Variants in SUPT7L observed in about 807,000 individuals in gnomAD.
SUPT7L encodes SPT7 like, STAGA complex subunit gamma, also known as STAGA complex 65 subunit gamma.
In SUPT7L, 15 loss-of-function variants were observed where a neutral mutation model predicts 35.7. The ratio of observed to expected loss-of-function variants is 0.42; its 90% CI spans 0.28 to 0.65. SUPT7L has a LOEUF of 0.65. Among genes scored for constraint, SUPT7L ranks in the 30% least tolerant of loss-of-function variants. The pLI is 0.23. For synonymous variants in SUPT7L, 168 were observed against 186.2 expected (o/e 0.90, Z 0.79); for missense variants, 434 against 522.2 (o/e 0.83, Z 1.65).
In SUPT7L at chr2:27,655,569, T is replaced by C; in HGVS notation, c.778A>G (p.Ile260Val). 1 of 1,607,324 alleles carries C rather than the reference T, an allele frequency of 6.2e-7. No homozygotes were observed. The highest frequency in any genetic ancestry group is 8.5e-7 in the Non-Finnish European group (1 of 1,177,818). ...SKQLSEEYER[I>V]VNPEKATEDA... ...TCTGTGGCCTTCTCAGGATTGACAA[T>C]CCTTTCATATTCTTCAGAGAGTTGC... The change falls in exon 5 of 6, where the codon ATT becomes GTT. Residue 260 changes from isoleucine to valine, a missense_variant. By Grantham distance (29) the Ile-to-Val change is conservative (BLOSUM62 3). Around this residue, in one of 3 missense-constraint regions of SUPT7L, gnomAD observed 159 missense variants for 217.1 expected, o/e 0.73. Coordinates refer to ENST00000337768, the MANE Select transcript of SUPT7L (RefSeq NM_014860.3).
In SUPT7L at chr2:27,663,610, G is replaced by C. The variant is rs1223331170; in HGVS notation, c.-371C>G. ...CCCGAAAGCTGGTTTGTTGATTAGT[G>C]ATCTAAGACCGCCGGAAGCGCTTCT... On this transcript the variant is annotated 5_prime_UTR_variant, in exon 1 of 6. The change creates a new upstream start codon in the 5' untranslated region. Coordinates refer to ENST00000337768, the MANE Select transcript of SUPT7L (RefSeq NM_014860.3). 3 of 737,760 alleles carry C rather than the reference G, an allele frequency of 4.1e-6. No individual in the cohort carries two copies. The East Asian group carries it at 7.8e-5, about 19-fold the overall frequency. The allele number at this position is 737,760 out of a possible 1,614,324, so 45.7% of individuals were successfully genotyped here.
At chr2:27,645,483 G>A in the SUPT7L span, among the ~76,000 whole-genome samples, 2 of 151,778 alleles carry the variant, frequency 1.3e-5, no homozygotes, top group Non-Finnish European at 2.9e-5. Context: ...ATTTTAGTTG[G>A]GATTACATTA....
Position 27,650,923 on chromosome 2 carries a change from AAC to A in SUPT7L, c.*2560_*2561del, listed in dbSNP as rs1674506094. On this transcript the variant is annotated 3_prime_UTR_variant, in exon 6 of 6. Coordinates refer to ENST00000337768, the MANE Select transcript of SUPT7L (RefSeq NM_014860.3). ...GCAAACAGCTTCACTTCTCCTGTTCAACAGAGGCTTAAGGCCAGATGTCCAAA... is the reference window on the plus strand; with the variant it reads ...GCAAACAGCTTCACTTCTCCTGTTCAAGAGGCTTAAGGCCAGATGTCCAAA... The A allele has an allele frequency of 6.5e-6, 1 of 152,758 alleles. No homozygotes were observed. Among genetic ancestry groups the A allele is most frequent in the Non-Finnish European group, 1.5e-5 (1 of 68,046 alleles). The allele number at this position is 152,758 out of a possible 1,614,324, so 9.5% of individuals were successfully genotyped here.
downstream of SUPT7L, among the ~76,000 whole-genome samples, chr2:27,646,975 T>C (rs994025305): frequency 3.3e-5 from 5 of 152,234 alleles, no homozygotes; most frequent in African/African-American, 1.2e-4. Context: ...CTGCAAAGGG[T>C]CTGCTGTAGT....
the SUPT7L span, chr2:27,642,606 C>A: frequency 2.4e-6 from 2 of 837,260 alleles, no homozygotes; most frequent in Admixed American, 4.3e-5. Flanking sequence ...GACGGAGTTT[C>A]ACTCTTGTTG....
Position 27,657,790 on chromosome 2 carries a change from T to C in SUPT7L, c.420-121A>G, listed in dbSNP as rs866851688. 5.2e-6 allele frequency: 5 copies of C among 956,530 alleles called. No homozygotes were observed. In the African/African-American group the frequency reaches 6.6e-5, roughly 13 times the overall value. The allele number at this position is 956,530 out of a possible 1,614,324, so 59.3% of individuals were successfully genotyped here. A position where few individuals can be genotyped will look rare whatever the true frequency, so the allele number is the denominator to read the frequency against. On this transcript the variant is annotated intron_variant, in intron 3 of 5. Coordinates refer to ENST00000337768, the MANE Select transcript of SUPT7L (RefSeq NM_014860.3). The surrounding 1 kb of genome is among the most constrained non-coding windows in gnomAD (Gnocchi z 5.2). ...GGCCTAGCTTTCCAGGGAAATTCCA[T>C]CCAAGTTACATAGCTCAGTTTCATC...
chr2:27,659,786 T>G (rs1041324107), intron 3 of SUPT7L, among the ~76,000 whole-genome samples: 26 of 152,176 alleles, frequency 1.7e-4, no homozygotes, highest in South Asian at 2.1e-4. Context: ...TATACAAGTA[T>G]GCATATATGT....
At chr2:27,643,508 A>C in the SUPT7L span, among the ~76,000 whole-genome samples, 1 of 152,204 alleles carries the variant, frequency 6.6e-6, no homozygotes, top group African/African-American at 2.4e-5. This position sits in a 1 kb window ranked among gnomAD's most constrained non-coding sequence, Gnocchi z 4.0. Context: ...TTGACATAAT[A>C]CTATAATATT....
intron 1 of SUPT7L, among the ~76,000 whole-genome samples, chr2:27,662,881 G>A (rs1675182543): frequency 6.6e-6 from 1 of 151,832 alleles, no homozygotes; most frequent in Non-Finnish European, 1.5e-5. Flanking sequence ...CTGGGACCAA[G>A]CAATCCTCCC....
chr2:27,657,377 G>T lies in SUPT7L; in HGVS notation c.712C>A (p.Arg238Ser). 13 of 1,614,230 alleles carry T rather than the reference G, an allele frequency of 8.1e-6. No homozygotes were observed. The highest frequency in any genetic ancestry group is 1.1e-5 in the Non-Finnish European group (13 of 1,180,038). The change falls in exon 4 of 6, where the codon CGC becomes AGC. Residue 238 changes from arginine to serine, a missense_variant. Around this residue, in one of 3 missense-constraint regions of SUPT7L, gnomAD observed 198 missense variants for 190.8 expected, o/e 1.04. Coordinates refer to ENST00000337768, the MANE Select transcript of SUPT7L (RefSeq NM_014860.3). The surrounding 1 kb of genome is among the most constrained non-coding windows in gnomAD (Gnocchi z 5.2). Reference protein sequence around the residue: ...VLSLQKFWQHRIKDYHSYMLQ... With the variant: ...VLSLQKFWQHSIKDYHSYMLQ... ...ATGTAACTGTGATAGTCCTTGATGC[G>T]GTGCTGCCAGAACTTCTGGAGGGAG...
chr2:27,659,295 T>C (rs1442078398), intron 3 of SUPT7L, among the ~76,000 whole-genome samples: 1 of 152,234 alleles, frequency 6.6e-6, no homozygotes, highest in Non-Finnish European at 1.5e-5. Context: ...TTAGTCTATT[T>C]CTGTACTTTT....
In SUPT7L at chr2:27,655,594, C is replaced by G. The variant is rs1409232919; in HGVS notation, c.753G>C (p.Lys251Asn). 6.3e-7 allele frequency: 1 copy of G among 1,576,782 alleles called. No homozygotes were observed. Among genetic ancestry groups the G allele is most frequent in the Admixed American group, 1.9e-5 (1 of 52,248 alleles). ...DYHSYMLQIS[K>N]QLSEEYERIV... is the part of the protein sequence containing the mutation. ...TCCTTTCATATTCTTCAGAGAGTTGCTTACTAATCTGTTGGCAAGCAAGAG... is the reference window on the plus strand; with the variant it reads ...TCCTTTCATATTCTTCAGAGAGTTGGTTACTAATCTGTTGGCAAGCAAGAG... The change falls in exon 5 of 6, where the codon AAG becomes AAC. Residue 251 changes from lysine (K) to asparagine (N), a missense_variant. Lys to Asn is a moderately conservative substitution (Grantham distance 94). Transcript: ENST00000337768.
At chr2:27,661,479 A>G in intron 2 of SUPT7L, 91 bp from the exon 3 acceptor site, 1 of 1,562,712 alleles carries the variant, frequency 6.4e-7, no homozygotes, top group East Asian at 2.2e-5. Context: ...GCAACTTTAG[A>G]TTATAGGCTT....
At chr2:27,661,730 G>A in intron 2 of SUPT7L, 1 of 753,410 alleles carries the variant, frequency 1.3e-6, no homozygotes, top group Non-Finnish European at 1.8e-6. Context: ...AGCATCTGGA[G>A]CTCTAGTATC....
At position 27,653,216 on chromosome 2, in the gene SUPT7L, C is replaced by A; in HGVS notation, c.*269G>T. The A allele has an allele frequency of 2.2e-6, 1 of 461,180 alleles. No homozygotes were observed. The highest frequency in any genetic ancestry group is 3.9e-6 in the Non-Finnish European group (1 of 254,184). 28.6% of individuals were successfully genotyped at this position (461,180 alleles called of 1,614,324 possible). On this transcript the variant is annotated 3_prime_UTR_variant, in exon 6 of 6. Transcript: ENST00000337768. ...ATAACATGTCTAGTCATAGTTAAGACAACAATTGGGGACAGTGCTTTGGTC... is the reference window on the plus strand; with the variant it reads ...ATAACATGTCTAGTCATAGTTAAGAAAACAATTGGGGACAGTGCTTTGGTC...
chr2:27,646,393 T>C (rs370405959), downstream of SUPT7L, among the ~76,000 whole-genome samples: 58 of 152,310 alleles, frequency 3.8e-4, no homozygotes, highest in Non-Finnish European at 6.8e-4. Context: ...CTGTTGAAAA[T>C]GGGATTTTCT....
downstream of SUPT7L, among the ~76,000 whole-genome samples, chr2:27,648,400 T>TGTTTG (rs1275184242): frequency 6.6e-6 from 1 of 151,982 alleles, no homozygotes; most frequent in African/African-American, 2.4e-5. Context: ...ACACCTGTAG[T>TGTTTG]TCAAGCTGTT....
intron 1 of SUPT7L, among the ~76,000 whole-genome samples, chr2:27,662,672 A>AT (rs1303131738): frequency 1.3e-5 from 2 of 152,026 alleles, no homozygotes; most frequent in East Asian, 1.9e-4. Flanking sequence ...ATCGCAATAG[A>AT]TTTTTTCTGC....
downstream of SUPT7L, chr2:27,650,487 C>T (rs1674475199): frequency 5.2e-6 from 1 of 193,756 alleles, no homozygotes; most frequent in South Asian, 1.3e-4. Flanking sequence ...CAAGTTTTAT[C>T]ATTTGAACTC....
Sources: gnomAD v4.1 joint callset for allele counts (sites outside exome capture counted in the v4.1 genomes callset) on GRCh38, gnomAD v4.1.1 for gene constraint, gnomAD v4.1.1 regional missense constraint, Gnocchi (gnomAD v3.1) non-coding constraint, MANE v1.5 for transcripts, NCBI Gene and HGNC (gene_info 2026-07-23, HGNC 2026-07-21) for gene names.